MYB: variants seen among roughly 807,000 people sequenced by gnomAD.
The protein encoded by MYB is transcriptional activator Myb.
A neutral mutation model predicts 92.9 loss-of-function variants in MYB; 28 were observed. The ratio of observed to expected loss-of-function variants is 0.30; its 90% confidence interval spans 0.22 to 0.41. The LOEUF (loss-of-function observed/expected upper bound fraction) is 0.41, where lower values mean the gene tolerates loss of function less well. MYB is among the 10% of genes least tolerant of loss of function. The pLI, the probability that MYB is intolerant of heterozygous loss-of-function variation, is 1.00. For synonymous variants in MYB, 295 were observed against 329.1 expected, an observed-to-expected ratio of 0.90 and a Z score of 1.12; for missense variants, 679 against 929.3, an observed-to-expected ratio of 0.73 and a Z score of 3.50.
intron 1 of MYB, among the ~76,000 whole-genome samples, chr6:135,184,285 T>TTCA (rs1243076400): frequency 6.6e-6 from 1 of 151,934 alleles, no homozygotes; most frequent in Non-Finnish European, 1.5e-5. Context: ...CTATGAATCT[T>TTCA]TCAAAAGATG....
chr6:135,200,682 A>G, intron 13 of MYB: 1 of 471,890 alleles, frequency 2.1e-6, no homozygotes, highest in Non-Finnish European at 3.9e-6. Context: ...GAGGTTTTTA[A>G]TGTACTTTTA....
Position 135,211,283 on chromosome 6 carries a change from C to T in MYB, c.2170-6581C>T, listed in dbSNP as rs191660892. On this transcript the variant is annotated intron_variant, in intron 15 of 15. Transcript: ENST00000341911. Reference sequence around the variant, plus strand: ...TTCCACTTACCCTGGCAGAAATTCACGTGGCTGTCAGTAGTAATTCAGTGA... The same window carrying T: ...TTCCACTTACCCTGGCAGAAATTCATGTGGCTGTCAGTAGTAATTCAGTGA... Among the ~76,000 whole-genome samples, 67 of 150,980 alleles carry T rather than the reference C, an allele frequency of 4.4e-4. 2 individuals carry two copies. The highest frequency in any genetic ancestry group is 4.2e-3 in the Admixed American group (63 of 15,078).
intron 14 of MYB, chr6:135,202,660 G>A (rs911999203): frequency 3.9e-6 from 1 of 257,356 alleles, no homozygotes; most frequent in Non-Finnish European, 7.7e-6. Flanking sequence ...GAGCCACCGC[G>A]CCCGGCCAGG....
At chr6:135,193,553 ATT>A (rs1338819790) in intron 6 of MYB, among the ~76,000 whole-genome samples, 1 of 152,044 alleles carries the variant, frequency 6.6e-6, no homozygotes, top group African/African-American at 2.4e-5. Flanking sequence ...TATATTTTTT[ATT>A]GTTTTTTTCA....
At chr6:135,201,581 CTG>C (rs1380029515) in intron 13 of MYB, 56 bp from the exon 14 acceptor site, 7 of 1,162,506 alleles carry the variant, frequency 6.0e-6, no homozygotes, top group Non-Finnish European at 8.9e-6. Context: ...ATACTCCTGA[CTG>C]TACATGTTTC....
intron 15 of MYB, among the ~76,000 whole-genome samples, chr6:135,204,613 A>C (rs953795690): frequency 6.6e-6 from 1 of 152,156 alleles, no homozygotes; most frequent in Admixed American, 6.5e-5. Flanking sequence ...AGTGCGTAGT[A>C]TTATTGTAAA....
chr6:135,188,840 C>G (rs1776286933), intron 3 of MYB, among the ~76,000 whole-genome samples: 1 of 152,118 alleles, frequency 6.6e-6, no homozygotes, highest in African/African-American at 2.4e-5. Context: ...ATCCCAAACA[C>G]CATTGGCAGG....
chr6:135,212,224 CTTTTTTTTTTTT>C (rs545704827), intron 15 of MYB, among the ~76,000 whole-genome samples: 9 of 32,882 alleles, frequency 2.7e-4, no homozygotes, highest in South Asian at 2.1e-3. Context: ...TTTGGTTTTA[CTTTTTTTTTTTT>C]TTTTTTTTTT....
At chr6:135,191,256 A>C (rs1776588873) in intron 5 of MYB, among the ~76,000 whole-genome samples, 1 of 152,234 alleles carries the variant, frequency 6.6e-6, no homozygotes, top group Admixed American at 6.5e-5. Flanking sequence ...CCTCATTATG[A>C]GGGATAACTA....
rs1321578514 is a variant in MYB at position 135,191,000 on chromosome 6, T to C, written c.527+653T>C. Among the ~76,000 whole-genome samples, 2 of 152,192 alleles carry C rather than the reference T, an allele frequency of 1.3e-5. No homozygotes were observed. The highest frequency in any genetic ancestry group is 4.8e-5 in the African/African-American group (2 of 41,438). On this transcript the variant is annotated intron_variant, in intron 5 of 15. Coordinates refer to ENST00000341911, the MANE Select transcript of MYB (RefSeq NM_001130173.2). The surrounding 1 kb of genome is among the most constrained non-coding windows in gnomAD (Gnocchi z 4.5). The stretch of plus-strand genomic sequence containing the variant: ...TTTTTGTAGAGATGGAATCCTGCTA[T>C]GTTACCCAGGCTGGTATCAAACTCC...
In MYB at chr6:135,181,698, G is replaced by C. The variant is rs1221791331; in HGVS notation, c.23+162G>C. On this transcript the variant is annotated intron_variant, in intron 1 of 15. Coordinates refer to ENST00000341911, the MANE Select transcript of MYB (RefSeq NM_001130173.2). The surrounding 1 kb of genome is among the most constrained non-coding windows in gnomAD (Gnocchi z 5.3). ...TGCCTCGGCAGCAGAAGCCGCTCCAGAGACTGATGAATGGAAGAGTCTTTG... is the reference window on the plus strand; with the variant it reads ...TGCCTCGGCAGCAGAAGCCGCTCCACAGACTGATGAATGGAAGAGTCTTTG... 1.3e-5 allele frequency among the ~76,000 whole-genome samples: 2 copies of C among 152,224 alleles called. No homozygotes were observed. The highest frequency in any genetic ancestry group is 1.5e-5 in the Non-Finnish European group (1 of 68,036).
At chr6:135,187,705 T>G (rs1776103305) in intron 2 of MYB, 129 bp from the exon 3 acceptor site, 1 of 488,800 alleles carries the variant, frequency 2.0e-6, no homozygotes, top group Admixed American at 3.8e-5. Context: ...GTATATTACA[T>G]TAATATCTCC....
rs932021530 is a variant in MYB at position 135,182,807 on chromosome 6, T to C, written c.23+1271T>C. Among the ~76,000 whole-genome samples the C allele has an allele frequency of 6.6e-6, 1 of 151,020 alleles. No individual in the cohort carries two copies. The highest frequency in any genetic ancestry group is 1.5e-5 in the Non-Finnish European group (1 of 67,746). On this transcript the variant is annotated intron_variant, in intron 1 of 15. Transcript: ENST00000341911. The surrounding 1 kb of genome is among the most constrained non-coding windows in gnomAD (Gnocchi z 5.6). The stretch of plus-strand genomic sequence containing the variant: ...TTGCAAAGAGCGTGGGTGGAGACCC[T>C]GCAGCAGCACCCGCGGGCTGGGCTG...
intron 6 of MYB, 105 bp from the exon 7 acceptor site, chr6:135,193,733 G>T: frequency 1.5e-6 from 1 of 685,970 alleles, no homozygotes; most frequent in Non-Finnish European, 2.5e-6. Context: ...TATCAGTAAA[G>T]TGTTTTTTTT....
At chr6:135,211,936 T>TA (rs1456473682) in intron 15 of MYB, among the ~76,000 whole-genome samples, 1 of 152,224 alleles carries the variant, frequency 6.6e-6, no homozygotes, top group Non-Finnish European at 1.5e-5. Context: ...CCATTAATCT[T>TA]ACCTTAGCAA....
Position 135,200,085 on chromosome 6 carries a change from T to G in MYB, c.1710T>G (p.Val570=), listed in dbSNP as rs745741654. 6.2e-7 allele frequency: 1 copy of G among 1,612,658 alleles called. No homozygotes were observed. Among genetic ancestry groups the G allele is most frequent in the South Asian group, 1.1e-5 (1 of 91,052 alleles). The change falls in exon 12 of 16, where the codon GTT becomes GTG. Residue 570 remains valine (V), a splice_region_variant and synonymous_variant. Transcript: ENST00000341911. The stretch of plus-strand genomic sequence containing the variant: ...GCCACTGCTTGTTTTCTTTTTAAAG[T>G]TTTAGAACCCCAGCTATCAAAAGGT... ...QTVKTQKENT[V]FRTPAIKRSI...
intron 3 of MYB, 89 bp from the exon 4 acceptor site, chr6:135,189,702 T>C (rs1776391749): frequency 6.1e-6 from 6 of 989,530 alleles, no homozygotes; most frequent in South Asian, 1.4e-5. Context: ...TTTCACTGCA[T>C]ATGGTCTATG....
At chr6:135,209,487 GC>G (rs1281513411) in intron 15 of MYB, among the ~76,000 whole-genome samples, 2 of 152,180 alleles carry the variant, frequency 1.3e-5, no homozygotes, top group Non-Finnish European at 2.9e-5. Flanking sequence ...GCCTGTCTCA[GC>G]CTCCCAAAGT....
chr6:135,201,831 C>T (rs570176111), intron 14 of MYB, 82 bp downstream of exon 14: 9 of 679,662 alleles, frequency 1.3e-5, no homozygotes, highest in East Asian at 3.2e-5. Flanking sequence ...AGGGCTGCTG[C>T]GGTTTCAGCA....
Sources: allele counts gnomAD v4.1 joint callset (sites outside exome capture counted in the v4.1 genomes callset), GRCh38; gene constraint gnomAD v4.1.1; non-coding constraint Gnocchi (gnomAD v3.1); transcripts MANE v1.5; gene names NCBI Gene and HGNC (gene_info 2026-07-23, HGNC 2026-07-21).